The following STK38L variants were observed in gnomAD, a reference collection of about 807,000 sequenced individuals.
STK38L encodes the protein serine/threonine-protein kinase 38-like.
STK38L carries 28 observed loss-of-function variants against 59.7 expected under a neutral mutation model. That is an observed-to-expected ratio of 0.47 (90% CI 0.35 to 0.64). STK38L has a LOEUF of 0.64. STK38L is among the 30% of genes least tolerant of loss of function. The pLI is 0.01. For missense variants in STK38L, 314 were observed against 555.8 expected, an observed-to-expected ratio of 0.56 and a Z score of 4.37; for synonymous variants, 162 against 176.8, an observed-to-expected ratio of 0.92 and a Z score of 0.66.
intron 2 of STK38L, among the ~76,000 whole-genome samples, chr12:27,301,368 C>G (rs1383355611): frequency 2.6e-5 from 4 of 152,180 alleles, no homozygotes; most frequent in Non-Finnish European, 5.9e-5. Flanking sequence ...AAGCAATTCT[C>G]CTGCCTCAGC....
intron 1 of STK38L, among the ~76,000 whole-genome samples, chr12:27,287,958 C>G (rs1426020027): frequency 6.6e-6 from 1 of 152,240 alleles, no homozygotes. Context: ...TCTTGGCTCA[C>G]TGCAACCTCT....
At chr12:27,316,808 G>A (rs1024306633) in intron 9 of STK38L, among the ~76,000 whole-genome samples, 10 of 152,192 alleles carry the variant, frequency 6.6e-5, no homozygotes, top group Middle Eastern at 3.4e-3. Flanking sequence ...AACACATGCC[G>A]TTTATTGTTT....
At chr12:27,250,472 T>G (rs1433095628) in intron 1 of STK38L, among the ~76,000 whole-genome samples, 1 of 152,216 alleles carries the variant, frequency 6.6e-6, no homozygotes, top group Non-Finnish European at 1.5e-5. Context: ...CCTTTTTCTT[T>G]CTGAATGTCA....
intron 1 of STK38L, among the ~76,000 whole-genome samples, chr12:27,279,376 A>G (rs1459997213): frequency 1.3e-5 from 2 of 152,198 alleles, no homozygotes; most frequent in Admixed American, 6.5e-5. Flanking sequence ...CAAAAGCTCT[A>G]TGCTTATATT....
At chr12:27,284,980 A>T (rs984733721) in intron 1 of STK38L, among the ~76,000 whole-genome samples, 7 of 152,154 alleles carry the variant, frequency 4.6e-5, no homozygotes, top group Admixed American at 4.6e-4. Flanking sequence ...TTAGTTGGGA[A>T]CAGTTTTTTT....
At position 27,263,125 on chromosome 12, in the gene STK38L, C is replaced by T. The variant is rs147078210; in HGVS notation, c.-12+18793C>T. On this transcript the variant is annotated intron_variant, in intron 1 of 13. Transcript: ENST00000389032. ...TTGATAGAACACTTTGTGTCTCTCT[C>T]ACCTTGTATTTAGAAAAGTTAGAAA... Among the ~76,000 whole-genome samples the T allele has an allele frequency of 7.9e-5, 12 of 152,274 alleles. No homozygotes were observed. The East Asian group carries it at 2.3e-3, about 29-fold the overall frequency.
At chr12:27,294,161 A>G (rs1399306033) in intron 1 of STK38L, among the ~76,000 whole-genome samples, 1 of 152,228 alleles carries the variant, frequency 6.6e-6, no homozygotes, top group African/African-American at 2.4e-5. Flanking sequence ...GGTTCACTGG[A>G]ATACTACTGC....
chr12:27,302,269 T>C, intron 3 of STK38L, 81 bp downstream of exon 3: 1 of 1,069,092 alleles, frequency 9.4e-7, no homozygotes, highest in Non-Finnish European at 1.3e-6. Flanking sequence ...TTTTATAACT[T>C]AAATAATGTG....
chr12:27,274,192 G>T (rs534156616), intron 1 of STK38L, among the ~76,000 whole-genome samples: 1 of 149,250 alleles, frequency 6.7e-6, no homozygotes, highest in East Asian at 2.0e-4. Flanking sequence ...GGCCAAGAGC[G>T]CGCCACTGCA....
intron 1 of STK38L, among the ~76,000 whole-genome samples, chr12:27,280,394 A>G (rs941162481): frequency 9.9e-5 from 15 of 152,224 alleles, no homozygotes; most frequent in Admixed American, 7.8e-4. Flanking sequence ...GAGAATAAAA[A>G]ATAAATGAAT....
chr12:27,258,709 C>T (rs563922918), intron 1 of STK38L, among the ~76,000 whole-genome samples: 12 of 152,222 alleles, frequency 7.9e-5, no homozygotes, highest in East Asian at 1.9e-4. Flanking sequence ...TAATTCTTTA[C>T]ATTTTCTCTA....
intron 10 of STK38L, 160 bp downstream of exon 10, chr12:27,317,613 C>T: frequency 4.2e-6 from 3 of 717,950 alleles, no homozygotes; most frequent in Non-Finnish European, 6.8e-6. Context: ...TACCAGTGAG[C>T]TCCCCACGGA....
intron 6 of STK38L, among the ~76,000 whole-genome samples, chr12:27,313,076 G>A (rs1014333685): frequency 5.3e-5 from 8 of 151,978 alleles, no homozygotes; most frequent in Non-Finnish European, 1.0e-4. Flanking sequence ...GTGAAACCCC[G>A]TCTCTACTAA....
intron 1 of STK38L, among the ~76,000 whole-genome samples, chr12:27,284,995 C>T (rs2136629297): frequency 6.6e-6 from 1 of 152,160 alleles, no homozygotes; most frequent in African/African-American, 2.4e-5. Flanking sequence ...TTTTTTTGGT[C>T]AGTTGTGATG....
chr12:27,300,857 A>G (rs568927469), intron 2 of STK38L, among the ~76,000 whole-genome samples: 102 of 152,356 alleles, frequency 6.7e-4, no homozygotes, highest in Non-Finnish European at 1.1e-3. Context: ...AGTGATCTTA[A>G]TGATGGTTTA....
chr12:27,295,244 A>G (rs139370423), intron 1 of STK38L, among the ~76,000 whole-genome samples: 15 of 152,356 alleles, frequency 9.8e-5, no homozygotes, highest in African/African-American at 3.6e-4. Context: ...CTAGAATAGT[A>G]TCTTACATTT....
intron 1 of STK38L, among the ~76,000 whole-genome samples, chr12:27,288,038 A>G (rs918330469): frequency 1.3e-5 from 2 of 152,130 alleles, no homozygotes; most frequent in African/African-American, 4.8e-5. Context: ...GTGCACCACC[A>G]TGCCCAGCTA....
intron 1 of STK38L, among the ~76,000 whole-genome samples, chr12:27,259,645 C>A (rs983623729): frequency 2.0e-5 from 3 of 152,158 alleles, no homozygotes; most frequent in Admixed American, 6.5e-5. Context: ...TCTTTCCCCC[C>A]CTTTTTTTTC....
At chr12:27,268,273 C>G (rs1943342425) in intron 1 of STK38L, among the ~76,000 whole-genome samples, 1 of 152,114 alleles carries the variant, frequency 6.6e-6, no homozygotes, top group Admixed American at 6.5e-5. Context: ...CCCCTTTCCC[C>G]CCACCCCACA....
Sources: allele counts gnomAD v4.1 joint callset (sites outside exome capture counted in the v4.1 genomes callset), GRCh38; gene constraint gnomAD v4.1.1; transcripts MANE v1.5; gene names NCBI Gene and HGNC (gene_info 2026-07-23, HGNC 2026-07-21).